CAMK2D: variants seen among roughly 807,000 people sequenced by gnomAD.
CAMK2D encodes the protein calcium/calmodulin dependent protein kinase II delta.
CAMK2D carries 37 observed loss-of-function variants against 84.0 expected under a neutral mutation model. The observed-to-expected ratio is 0.44, with a 90% CI of 0.34 to 0.58. The LOEUF is 0.58. CAMK2D is among the 20% of genes least tolerant of loss of function. The pLI, the probability that CAMK2D is intolerant of heterozygous loss-of-function variation, is 0.02. For synonymous variants in CAMK2D, 202 were observed against 212.5 expected (o/e 0.95, Z 0.43); for missense variants, 448 against 652.5 (o/e 0.69, Z 3.41).
chr4:113,692,587 CATATTCAT>C (rs2099390427), intron 2 of CAMK2D, among the ~76,000 whole-genome samples: 3 of 151,888 alleles, frequency 2.0e-5, no homozygotes, highest in African/African-American at 4.8e-5. Context: ...TATATTCACA[CATATTCAT>C]ATATTCATAC....
rs17531421 is a variant in CAMK2D at position 113,565,320 on chromosome 4, G to A, written c.276-13224C>T. 6.2e-3 allele frequency among the ~76,000 whole-genome samples: 940 copies of A among 152,222 alleles called. 15 individuals are homozygous for A. The highest frequency in any genetic ancestry group is 3.6e-3 in the Non-Finnish European group (242 of 67,996). ...GGGCTGTACAATACCTCTCTATTTT[G>A]GCTGCCAAATGCTTAGAAGAGTTAC... On this transcript the variant is annotated intron_variant, in intron 4 of 20. Coordinates refer to ENST00000511664, the MANE Select transcript of CAMK2D (RefSeq NM_001321571.2).
At chr4:113,486,729 T>C (rs2097769077) in intron 16 of CAMK2D, among the ~76,000 whole-genome samples, 1 of 152,216 alleles carries the variant, frequency 6.6e-6, no homozygotes, top group Admixed American at 6.5e-5. Context: ...CAACAAAGCT[T>C]GGAAATGTTT....
At chr4:113,737,539 A>G (rs1054480008) in intron 2 of CAMK2D, among the ~76,000 whole-genome samples, 1 of 152,192 alleles carries the variant, frequency 6.6e-6, no homozygotes, top group African/African-American at 2.4e-5. Context: ...AAGGAAGACA[A>G]AAAACTTCTG....
chr4:113,748,820 T>A (rs921434179), intron 2 of CAMK2D, among the ~76,000 whole-genome samples: 3 of 152,026 alleles, frequency 2.0e-5, no homozygotes, highest in Non-Finnish European at 4.4e-5. Context: ...TTCCCCAAAT[T>A]CTGTAATTAG....
Position 113,561,403 on chromosome 4 carries a change from G to T in CAMK2D, c.276-9307C>A, listed in dbSNP as rs2098698273. On this transcript the variant is annotated intron_variant, in intron 4 of 20. Transcript: ENST00000511664. The stretch of plus-strand genomic sequence containing the variant: ...GGAGAAGGATTGCTAGAGCCCAGAG[G>T]GTAGAGGTTGTAGTGAGCTACGATC... Among the ~76,000 whole-genome samples, 4 of 152,102 alleles carry T rather than the reference G, an allele frequency of 2.6e-5. No homozygotes were observed. In the South Asian group the frequency reaches 8.3e-4, roughly 32 times the overall value.
chr4:113,609,336 C>T (rs2098990306), intron 3 of CAMK2D, 130 bp from the exon 4 acceptor site: 3 of 612,286 alleles, frequency 4.9e-6, no homozygotes, highest in Admixed American at 5.1e-5. Context: ...GCCTTTGATA[C>T]GTCCGTATCT....
intron 4 of CAMK2D, among the ~76,000 whole-genome samples, chr4:113,579,308 G>A (rs1047497853): frequency 6.6e-6 from 1 of 152,176 alleles, no homozygotes; most frequent in African/African-American, 2.4e-5. Flanking sequence ...GTAACATGAT[G>A]CTCTTCCTTT....
At chr4:113,517,806 G>A (rs2098304842) in intron 8 of CAMK2D, 149 bp from the exon 9 acceptor site, 1 of 491,964 alleles carries the variant, frequency 2.0e-6, no homozygotes. Flanking sequence ...TTATGATCTA[G>A]TCTAGAGCAG....
In CAMK2D at chr4:113,761,060, C is replaced by T; in HGVS notation, c.9G>A (p.Ser3=). Reference sequence around the variant, plus strand: ...CCGTGAACCTGGTGCAGGTTGTGGTCGAAGCCATCCTCGGTCCGGGCTGTG... The same window carrying T: ...CCGTGAACCTGGTGCAGGTTGTGGTTGAAGCCATCCTCGGTCCGGGCTGTG... MA[S]TTTCTRFTDE... The change falls in exon 1 of 21, where the codon TCG becomes TCA. Residue 3 remains serine (S), a synonymous_variant. Transcript: ENST00000511664. The T allele has an allele frequency of 6.2e-7, 1 of 1,614,142 alleles. No homozygotes were observed. Among genetic ancestry groups the T allele is most frequent in the Non-Finnish European group, 8.5e-7 (1 of 1,180,016 alleles).
chr4:113,612,226 G>T (rs553770949), intron 3 of CAMK2D, among the ~76,000 whole-genome samples: 1 of 152,228 alleles, frequency 6.6e-6, no homozygotes, highest in African/African-American at 2.4e-5. Context: ...ATGTCTAAAC[G>T]GTCTGGAAGA....
At chr4:113,602,091 C>CT (rs796160486) in intron 4 of CAMK2D, among the ~76,000 whole-genome samples, 98 of 146,378 alleles carry the variant, frequency 6.7e-4, no homozygotes, top group Non-Finnish European at 8.9e-4. Context: ...TATTTTAGTT[C>CT]TTTTTTTTTT....
intron 3 of CAMK2D, among the ~76,000 whole-genome samples, chr4:113,626,410 G>A (rs2099068512): frequency 6.6e-6 from 1 of 152,184 alleles, no homozygotes; most frequent in Admixed American, 6.5e-5. Context: ...CTGCATGAAT[G>A]TTGTGTACTA....
At chr4:113,629,978 G>T (rs1026186934) in intron 3 of CAMK2D, among the ~76,000 whole-genome samples, 2 of 151,746 alleles carry the variant, frequency 1.3e-5, no homozygotes, top group East Asian at 3.9e-4. Flanking sequence ...TAATTTAGCA[G>T]TATGATGAAT....
At chr4:113,520,668 G>A (rs1174278412) in intron 8 of CAMK2D, among the ~76,000 whole-genome samples, 1 of 152,030 alleles carries the variant, frequency 6.6e-6, no homozygotes, top group African/African-American at 2.4e-5. Flanking sequence ...ACCTCCAAAT[G>A]TTGGGTATCT....
intron 3 of CAMK2D, among the ~76,000 whole-genome samples, chr4:113,659,905 A>G (rs2099221130): frequency 6.6e-6 from 1 of 152,200 alleles, no homozygotes; most frequent in Non-Finnish European, 1.5e-5. Context: ...CTAGAAATGT[A>G]ACTTGTTGAG....
At chr4:113,756,974 T>TAATA (rs1188204917) in intron 2 of CAMK2D, among the ~76,000 whole-genome samples, 1 of 152,084 alleles carries the variant, frequency 6.6e-6, no homozygotes, top group Non-Finnish European at 1.5e-5. Context: ...AGGAGAACAA[T>TAATA]AATAAGAGGT....
chr4:113,601,161 A>G (rs1411083382), intron 4 of CAMK2D, among the ~76,000 whole-genome samples: 1 of 152,182 alleles, frequency 6.6e-6, no homozygotes, highest in Non-Finnish European at 1.5e-5. Context: ...ACAAACTGAA[A>G]GTTTTCACGA....
intron 16 of CAMK2D, among the ~76,000 whole-genome samples, chr4:113,470,694 G>A (rs758778166): frequency 2.0e-5 from 3 of 150,700 alleles, no homozygotes; most frequent in African/African-American, 4.9e-5. Context: ...TCAGGTCCCC[G>A]CGATGTTATG....
At chr4:113,586,496 T>A (rs1300218063) in intron 4 of CAMK2D, among the ~76,000 whole-genome samples, 1 of 152,192 alleles carries the variant, frequency 6.6e-6, no homozygotes, top group Non-Finnish European at 1.5e-5. Flanking sequence ...TCCTGAAGAA[T>A]GCACTAATTT....
Sources: allele counts gnomAD v4.1 joint callset (sites outside exome capture counted in the v4.1 genomes callset), GRCh38; gene constraint gnomAD v4.1.1; transcripts MANE v1.5; gene names NCBI Gene and HGNC (gene_info 2026-07-23, HGNC 2026-07-21).